The following MYT1L variants were observed in gnomAD, a reference collection of about 807,000 sequenced individuals.
The protein encoded by MYT1L is myelin transcription factor 1 like.
Under a neutral mutation model 126.7 loss-of-function variants are expected in MYT1L, and 12 were observed. The ratio of observed to expected loss-of-function variants is 0.09; its 90% confidence interval spans 0.06 to 0.15. The LOEUF (loss-of-function observed/expected upper bound fraction) is 0.15. Ranked by LOEUF, MYT1L falls within the 10% of genes least tolerant of loss-of-function variation. The pLI is 1.00. For missense variants in MYT1L, 979 were observed against 1,585.2 expected (o/e 0.62, Z 6.49); for synonymous variants, 541 against 604.2 (o/e 0.90, Z 1.53).
chr2:2,219,133 G>A (rs77615962), intron 2 of MYT1L, among the ~76,000 whole-genome samples: 186 of 152,296 alleles, frequency 1.2e-3, no homozygotes, highest in Non-Finnish European at 1.8e-3. Context: ...TAGAAGGAGA[G>A]TTTGAGGACA....
chr2:1,805,263 A>C (rs893289109), intron 22 of MYT1L, among the ~76,000 whole-genome samples: 2 of 152,238 alleles, frequency 1.3e-5, no homozygotes, highest in Non-Finnish European at 2.9e-5. Context: ...CTTCCCTTTC[A>C]GACAAATGCT....
intron 2 of MYT1L, among the ~76,000 whole-genome samples, chr2:2,197,488 T>C (rs2092854110): frequency 1.3e-5 from 2 of 152,016 alleles, no homozygotes; most frequent in African/African-American, 4.8e-5. Context: ...TATACACACA[T>C]GCACACACAC....
intron 18 of MYT1L, among the ~76,000 whole-genome samples, chr2:1,860,118 A>G (rs1379181039): frequency 6.6e-6 from 1 of 152,232 alleles, no homozygotes; most frequent in Admixed American, 6.5e-5. Context: ...AGGCGCCCCA[A>G]GTACATCCAG....
At chr2:1,808,596 G>A (rs1373016505) in intron 22 of MYT1L, among the ~76,000 whole-genome samples, 1 of 152,134 alleles carries the variant, frequency 6.6e-6, no homozygotes, top group Non-Finnish European at 1.5e-5. Context: ...TGTGCTGGTT[G>A]GTGACAAGAG....
chr2:2,246,388 G>A (rs1274026305), intron 2 of MYT1L, among the ~76,000 whole-genome samples: 1 of 152,148 alleles, frequency 6.6e-6, no homozygotes, highest in African/African-American at 2.4e-5. Context: ...GGTACCTGGG[G>A]CTAGGATGGG....
chr2:2,168,715 C>T (rs1295102814), intron 3 of MYT1L, among the ~76,000 whole-genome samples: 7 of 152,108 alleles, frequency 4.6e-5, no homozygotes, highest in Non-Finnish European at 1.0e-4. Context: ...GTGGTCAGCC[C>T]TGAGCGTGTT....
At chr2:2,176,128 T>C (rs2090740544) in intron 2 of MYT1L, among the ~76,000 whole-genome samples, 2 of 152,146 alleles carry the variant, frequency 1.3e-5, no homozygotes, top group Admixed American at 1.3e-4. Flanking sequence ...TTAGGATATG[T>C]CCACTTTCAG....
At chr2:2,321,388 T>A (rs1400893531) in intron 1 of MYT1L, among the ~76,000 whole-genome samples, 2 of 152,292 alleles carry the variant, frequency 1.3e-5, no homozygotes, top group African/African-American at 2.4e-5. Flanking sequence ...ACAACCAGTC[T>A]GGCTAGCATT....
chr2:2,038,712 G>A (rs1015430287), intron 4 of MYT1L, among the ~76,000 whole-genome samples: 8 of 151,748 alleles, frequency 5.3e-5, no homozygotes, highest in East Asian at 1.9e-4. Context: ...AACCCAATCC[G>A]AACTCCCTGG....
chr2:2,262,936 TGTG>T lies in MYT1L; in HGVS notation c.-421+21465_-421+21467del, dbSNP rs1242262106. Among the ~76,000 whole-genome samples the T allele has an allele frequency of 9.7e-3, 333 of 34,346 alleles. 51 individuals are homozygous for T. Among genetic ancestry groups the T allele is most frequent in the African/African-American group, 0.034 (233 of 6,888 alleles). 22.5% of individuals were successfully genotyped at this position (34,346 alleles called of 152,430 possible). A position where few individuals can be genotyped will look rare whatever the true frequency, so the allele number is the denominator to read the frequency against. On this transcript the variant is annotated intron_variant, in intron 2 of 24. Transcript: ENST00000647738. ...CACAAATATATATATATATATAACC[TGTG>T]ATATATATATATATATCACAGGTAA... is the stretch of plus-strand genomic sequence containing the variant.
At position 1,891,999 on chromosome 2, in the gene MYT1L, C is replaced by A. The variant is rs183248488; in HGVS notation, c.2283+38G>T. On this transcript the variant is annotated intron_variant, in intron 15 of 24. Transcript: ENST00000647738. ...GCTGGGTCCGCGGCCCGGCCTCCCC[C>A]ACCCGCCAGGTGGCTCCACCTGCCC... 1.0e-4 allele frequency: 152 copies of A among 1,473,154 alleles called. 1 individual carries two copies. In the East Asian group the frequency reaches 3.1e-3, roughly 30 times the overall value. 91.3% of individuals were successfully genotyped at this position (1,473,154 alleles called of 1,614,324 possible).
Position 1,943,446 on chromosome 2 carries a change from A to G in MYT1L, c.153-112T>C. On this transcript the variant is annotated intron_variant, in intron 8 of 24. Coordinates refer to ENST00000647738, the MANE Select transcript of MYT1L (RefSeq NM_001303052.2). This position sits in a 1 kb window ranked among gnomAD's most constrained non-coding sequence, Gnocchi z 4.4. ...TGATCAAGGTACTTAAAGGCTTATC[A>G]TGAATGTCATCAGCACAAACACCAG... The G allele has an allele frequency of 1.6e-6, 2 of 1,228,810 alleles. No individual in the cohort carries two copies. The highest frequency in any genetic ancestry group is 2.2e-6 in the Non-Finnish European group (2 of 912,522). 76.1% of individuals were successfully genotyped at this position (1,228,810 alleles called of 1,614,324 possible).
At chr2:2,220,589 T>A (rs1895137) in intron 2 of MYT1L, among the ~76,000 whole-genome samples, 1 of 151,932 alleles carries the variant, frequency 6.6e-6, no homozygotes, top group African/African-American at 2.4e-5. Flanking sequence ...AAGATCTTGT[T>A]ATGTTAATAG....
rs539494078 is a variant in MYT1L, at chr2:2,294,030, G to T, written c.-520-9527C>A. 2.6e-5 allele frequency among the ~76,000 whole-genome samples: 4 copies of T among 152,208 alleles called. No homozygotes were observed. The South Asian group carries it at 8.3e-4, about 32-fold the overall frequency. Reference sequence around the variant, plus strand: ...ATGGTCTTGCTTTAAAAAGTAGTGGGGTGAATACAGAGGAGAGTAAGGAGG... The same window carrying T: ...ATGGTCTTGCTTTAAAAAGTAGTGGTGTGAATACAGAGGAGAGTAAGGAGG... On this transcript the variant is annotated intron_variant, in intron 1 of 24. Coordinates refer to ENST00000647738, the MANE Select transcript of MYT1L (RefSeq NM_001303052.2).
At chr2:2,099,972 G>A (rs2077865493) in intron 3 of MYT1L, among the ~76,000 whole-genome samples, 1 of 152,104 alleles carries the variant, frequency 6.6e-6, no homozygotes, top group African/African-American at 2.4e-5. Context: ...AGTGGGAATG[G>A]GCGCCATAGG....
intron 13 of MYT1L, among the ~76,000 whole-genome samples, chr2:1,904,104 C>T (rs2050721620): frequency 6.6e-6 from 1 of 152,234 alleles, no homozygotes; most frequent in South Asian, 2.1e-4. Flanking sequence ...TGACCATCTT[C>T]ATAACCGTCA....
chr2:2,029,443 A>C (rs1305993476), intron 4 of MYT1L, among the ~76,000 whole-genome samples: 2 of 152,202 alleles, frequency 1.3e-5, no homozygotes, highest in African/African-American at 2.4e-5. Context: ...GGGAACTCCC[A>C]TTTATAAAAC....
chr2:2,112,730 C>G (rs1414574572), intron 3 of MYT1L, among the ~76,000 whole-genome samples: 1 of 152,194 alleles, frequency 6.6e-6, no homozygotes, highest in Non-Finnish European at 1.5e-5. Flanking sequence ...GGAGCACTCT[C>G]AGAACTAAGA....
At chr2:2,156,376 C>A (rs910135504) in intron 3 of MYT1L, among the ~76,000 whole-genome samples, 2 of 152,180 alleles carry the variant, frequency 1.3e-5, no homozygotes, top group Non-Finnish European at 2.9e-5. Flanking sequence ...AGGTTGCAGC[C>A]CCCAACAGGG....
Sources: allele counts gnomAD v4.1 joint callset (sites outside exome capture counted in the v4.1 genomes callset), GRCh38; gene constraint gnomAD v4.1.1; non-coding constraint Gnocchi (gnomAD v3.1); transcripts MANE v1.5; gene names NCBI Gene and HGNC (gene_info 2026-07-23, HGNC 2026-07-21).